The following ZNF664 variants were observed in gnomAD, a reference collection of about 807,000 sequenced individuals.
The protein encoded by ZNF664 is zinc finger Organ of Corti 1.
In ZNF664, 10 loss-of-function variants were observed where a neutral mutation model predicts 18.2. The observed-to-expected ratio is 0.55, with a 90% confidence interval of 0.34 to 0.93. The LOEUF (loss-of-function observed/expected upper bound fraction) is 0.93, where lower values mean the gene tolerates loss of function less well. ZNF664 is among the 40% of genes least tolerant of loss of function. The pLI, the probability that ZNF664 is intolerant of heterozygous loss-of-function variation, is 0.02. For synonymous variants in ZNF664, 119 were observed against 104.2 expected (o/e 1.14, Z -0.86); for missense variants, 193 against 319.0 (o/e 0.61, Z 3.01).
chr12:123,987,040 A>G (rs1956833663), intron 2 of ZNF664, among the ~76,000 whole-genome samples: 2 of 152,212 alleles, frequency 1.3e-5, no homozygotes, highest in African/African-American at 4.8e-5. Context: ...CATAGTCTAC[A>G]GGACTCTATT....
chr12:124,003,599 T>G (rs1957038513), intron 3 of ZNF664: 1 of 152,226 alleles, frequency 6.6e-6, no homozygotes, highest in African/African-American at 2.4e-5. Context: ...GGTTTCACCA[T>G]GTTGGTCAGG....
intron 3 of ZNF664, among the ~76,000 whole-genome samples, chr12:123,989,744 T>G (rs1956867396): frequency 6.6e-6 from 1 of 152,218 alleles, no homozygotes. Context: ...TTCAGAACAG[T>G]ACTGGATCAA....
chr12:124,012,722 A>G lies in ZNF664; in HGVS notation c.578A>G (p.His193Arg). 1 of 1,614,090 alleles carries G rather than the reference A, an allele frequency of 6.2e-7. No individual in the cohort carries two copies. Among genetic ancestry groups the G allele is most frequent in the Non-Finnish European group, 8.5e-7 (1 of 1,179,996 alleles). The change falls in exon 5 of 5, where the codon CAC (histidine) becomes CGC (arginine). Residue 193 changes from histidine (H) to arginine (R), a missense_variant. Transcript: ENST00000337815. ...SSSLCIHQRVHTGEKPYRCCG... is the reference protein window; with the variant it reads ...SSSLCIHQRVRTGEKPYRCCG... ...AGCCTCTGCATCCACCAGAGAGTCC[A>G]CACTGGAGAGAAACCCTATAGATGT...
At chr12:123,986,638 T>G (rs1956828883) in intron 2 of ZNF664, among the ~76,000 whole-genome samples, 1 of 152,234 alleles carries the variant, frequency 6.6e-6, no homozygotes, top group Non-Finnish European at 1.5e-5. Context: ...TTTGCTTTTA[T>G]TGTTGTTCCA....
At chr12:123,992,954 C>T (rs75783159) in intron 3 of ZNF664, among the ~76,000 whole-genome samples, 1,557 of 152,190 alleles carry the variant, frequency 0.01, 21 homozygotes, top group African/African-American at 0.035. Flanking sequence ...TAACTGAACT[C>T]GGCCCAGAAA....
chr12:123,985,615 T>C (rs559504791), intron 2 of ZNF664, among the ~76,000 whole-genome samples: 7 of 152,224 alleles, frequency 4.6e-5, no homozygotes, highest in Admixed American at 1.3e-4. Context: ...TCAGAAGTGG[T>C]AAAATAACTG....
In ZNF664 at chr12:123,973,960, A is replaced by T. The variant is rs1956641455; in HGVS notation, c.-817A>T. 8.1e-7 allele frequency: 1 copy of T among 1,231,926 alleles called. No homozygotes were observed. Among genetic ancestry groups the T allele is most frequent in the Non-Finnish European group, 1.0e-6 (1 of 988,098 alleles). The allele number at this position is 1,231,926 out of a possible 1,614,324, so 76.3% of individuals were successfully genotyped here. A position where few individuals can be genotyped will look rare whatever the true frequency, so the allele number is the denominator to read the frequency against. On this transcript the variant is annotated 5_prime_UTR_variant, in exon 2 of 5. The change creates a new upstream start codon in the 5' untranslated region. Transcript: ENST00000337815. ...GAACCCCTCGCGCACCCAGCGCAGA[A>T]GGCTGCTGCCGCCGGACGCCTCCAT...
At chr12:123,976,926 A>G (rs1254439768) in intron 2 of ZNF664, among the ~76,000 whole-genome samples, 1 of 152,074 alleles carries the variant, frequency 6.6e-6, no homozygotes, top group African/African-American at 2.4e-5. Context: ...TAAAAATACA[A>G]AAAATTAGCT....
Position 124,012,055 on chromosome 12 carries a change from C to T in ZNF664, c.-90C>T. 6.7e-7 allele frequency: 1 copy of T among 1,484,618 alleles called. No individual in the cohort carries two copies. Among genetic ancestry groups the T allele is most frequent in the African/African-American group, 1.4e-5 (1 of 70,792 alleles). 92.0% of individuals were successfully genotyped at this position (1,484,618 alleles called of 1,614,324 possible). A position where few individuals can be genotyped will look rare whatever the true frequency, so the allele number is the denominator to read the frequency against. ...GCCTGAGATAGACTGCCAAAATGGC[C>T]AAATAAGAGACTCTATGAAATAACA... On this transcript the variant is annotated 5_prime_UTR_variant, in exon 5 of 5. Transcript: ENST00000337815.
chr12:123,990,379 C>T (rs920402400), intron 3 of ZNF664, among the ~76,000 whole-genome samples: 3 of 152,066 alleles, frequency 2.0e-5, no homozygotes, highest in African/African-American at 7.3e-5. Flanking sequence ...CTACTGCCAG[C>T]ATCATTGAGG....
At chr12:123,979,705 G>T (rs1239449179) in intron 2 of ZNF664, among the ~76,000 whole-genome samples, 1 of 152,134 alleles carries the variant, frequency 6.6e-6, no homozygotes, top group Non-Finnish European at 1.5e-5. Context: ...TTGAGACAGG[G>T]TCTTGCTCTG....
intron 3 of ZNF664, among the ~76,000 whole-genome samples, chr12:123,991,927 A>C (rs539143659): frequency 6.6e-6 from 1 of 152,166 alleles, no homozygotes; most frequent in Non-Finnish European, 1.5e-5. Context: ...CTTTGTGGTA[A>C]TTTCTTGTTA....
chr12:123,987,815 C>T (rs1956842659), intron 2 of ZNF664, among the ~76,000 whole-genome samples: 1 of 152,182 alleles, frequency 6.6e-6, no homozygotes, highest in Non-Finnish European at 1.5e-5. Context: ...GGAAGTTGTG[C>T]AGAGTGCCTG....
rs370699173 is a variant in ZNF664 at position 124,008,971 on chromosome 12, C to T, written c.-660-2410C>T. Reference sequence around the variant, plus strand: ...GGGCTGTAGGTGTGCTCATTGCTATCGCTTCTTATTGCTTCCAGGTCTTTT... The same window carrying T: ...GGGCTGTAGGTGTGCTCATTGCTATTGCTTCTTATTGCTTCCAGGTCTTTT... On this transcript the variant is annotated intron_variant, in intron 3 of 4. Transcript: ENST00000337815. Among the ~76,000 whole-genome samples, 3 of 151,916 alleles carry T rather than the reference C, an allele frequency of 2.0e-5. No individual in the cohort carries two copies. The East Asian group carries it at 5.8e-4, about 29-fold the overall frequency.
intron 2 of ZNF664, among the ~76,000 whole-genome samples, chr12:123,982,287 C>T (rs1395587086): frequency 6.6e-6 from 1 of 152,184 alleles, no homozygotes; most frequent in African/African-American, 2.4e-5. Flanking sequence ...GCCAAGGTAA[C>T]AGAAGTCATT....
chr12:123,988,033 TC>T lies in ZNF664; in HGVS notation c.-756-7del. 8.1e-7 allele frequency: 1 copy of T among 1,231,444 alleles called. No individual in the cohort carries two copies. 76.3% of individuals were successfully genotyped at this position (1,231,444 alleles called of 1,614,324 possible). On this transcript the variant is annotated splice_polypyrimidine_tract_variant and intron_variant, in intron 2 of 4. Transcript: ENST00000337815. ...AAACCCATTTTTCTCTTTGCATTTCTCCCATCCAGCAGGATCCTAAGGCCTT... is the reference window on the plus strand; with the variant it reads ...AAACCCATTTTTCTCTTTGCATTTCTCCATCCAGCAGGATCCTAAGGCCTT...
chr12:123,997,207 A>G (rs1956960495), intron 3 of ZNF664, among the ~76,000 whole-genome samples: 1 of 152,216 alleles, frequency 6.6e-6, no homozygotes, highest in African/African-American at 2.4e-5. Flanking sequence ...AATAAGCACC[A>G]TCCATTCAGC....
Position 124,013,139 on chromosome 12 carries a change from G to C in ZNF664, c.*209G>C, listed in dbSNP as rs1247280951. The C allele has an allele frequency of 4.3e-6, 3 of 690,394 alleles. No homozygotes were observed. The African/African-American group carries it at 5.5e-5, about 13-fold the overall frequency. 42.8% of individuals were successfully genotyped at this position (690,394 alleles called of 1,614,324 possible). A position where few individuals can be genotyped will look rare whatever the true frequency, so the allele number is the denominator to read the frequency against. ...ATGTGGACCTCTGAGCATCCACGCA[G>C]GATGGCTCTCAGGTCCCAGTCACAG... is the stretch of plus-strand genomic sequence containing the variant. On this transcript the variant is annotated 3_prime_UTR_variant, in exon 5 of 5. Coordinates refer to ENST00000337815, the MANE Select transcript of ZNF664 (RefSeq NM_152437.3).
chr12:123,983,420 GAA>G (rs925565509), intron 2 of ZNF664, among the ~76,000 whole-genome samples: 3 of 152,146 alleles, frequency 2.0e-5, no homozygotes, highest in Non-Finnish European at 2.9e-5. Context: ...TACATTATAA[GAA>G]ATTCAGTAAA....
Sources: gnomAD v4.1 joint callset for allele counts (sites outside exome capture counted in the v4.1 genomes callset) on GRCh38, gnomAD v4.1.1 for gene constraint, MANE v1.5 for transcripts, NCBI Gene and HGNC (gene_info 2026-07-23, HGNC 2026-07-21) for gene names.